CACNG3: variants seen among roughly 807,000 people sequenced by gnomAD.
CACNG3 encodes the protein calcium voltage-gated channel auxiliary subunit gamma 3.
CACNG3 carries 3 observed loss-of-function variants against 28.5 expected under a neutral mutation model. That is an observed-to-expected ratio of 0.11 (90% CI 0.05 to 0.27). The LOEUF is 0.27. CACNG3 is among the 10% of genes least tolerant of loss of function. CACNG3 has a pLI of 1.00. For missense variants in CACNG3, 236 were observed against 414.4 expected, an observed-to-expected ratio of 0.57 and a Z score of 3.74; for synonymous variants, 174 against 162.2, an observed-to-expected ratio of 1.07 and a Z score of -0.55.
At chr16:24,297,217 T>C (rs1285719563) in intron 1 of CACNG3, among the ~76,000 whole-genome samples, 1 of 149,956 alleles carries the variant, frequency 6.7e-6, no homozygotes, top group Non-Finnish European at 1.5e-5. Context: ...CACGGCACTC[T>C]AGCCTGAGCA....
chr16:24,357,760 C>T (rs575487412), intron 3 of CACNG3, among the ~76,000 whole-genome samples: 4 of 152,292 alleles, frequency 2.6e-5, no homozygotes, highest in East Asian at 1.9e-4. Context: ...CCAGATCTCC[C>T]GGGTGCTTGG....
Position 24,350,029 on chromosome 16 carries a change from T to C in CACNG3, c.295+3212T>C, listed in dbSNP as rs534526042. Among the ~76,000 whole-genome samples the C allele has an allele frequency of 2.9e-4, 44 of 151,308 alleles. No individual in the cohort carries two copies. In the South Asian group the frequency reaches 8.7e-3, roughly 30 times the overall value. On this transcript the variant is annotated intron_variant, in intron 2 of 3. Coordinates refer to ENST00000005284, the MANE Select transcript of CACNG3 (RefSeq NM_006539.4). ...CCCTTAAGACCTTAACTTAGCTCCA[T>C]ATAGTTTGGGGGGAGAAACAGGGAA...
rs1274887564 is a variant in CACNG3 at position 24,361,738 on chromosome 16, A to G, written c.823A>G (p.Thr275Ala). The change falls in exon 4 of 4, where the codon ACC (threonine) becomes GCC (alanine). Residue 275 changes from threonine to alanine, a missense_variant. Transcript: ENST00000005284. The surrounding 1 kb of genome is among the most constrained non-coding windows in gnomAD (Gnocchi z 6.8). ...CCTCTCCCGGGACCCCTCAAAGATC[A>G]CCATGGGGACCCTCCTCAACTCCGA... Reference protein sequence around the residue: ...FTLSRDPSKITMGTLLNSDRD... With the variant: ...FTLSRDPSKIAMGTLLNSDRD... The G allele has an allele frequency of 1.9e-6, 3 of 1,613,814 alleles. No homozygotes were observed. Among genetic ancestry groups the G allele is most frequent in the Non-Finnish European group, 2.5e-6 (3 of 1,179,968 alleles).
chr16:24,277,374 G>A (rs563727702), intron 1 of CACNG3, among the ~76,000 whole-genome samples: 1 of 152,304 alleles, frequency 6.6e-6, no homozygotes, highest in African/African-American at 2.4e-5. Context: ...TCTAGCAGGT[G>A]ATATCAGGGA....
chr16:24,292,531 C>T (rs1898979549), intron 1 of CACNG3, among the ~76,000 whole-genome samples: 1 of 152,122 alleles, frequency 6.6e-6, no homozygotes, highest in African/African-American at 2.4e-5. Flanking sequence ...ATCCCTGGAG[C>T]TCGAATTCCT....
intron 1 of CACNG3, among the ~76,000 whole-genome samples, chr16:24,291,221 C>T (rs566348395): frequency 1.3e-5 from 2 of 152,248 alleles, no homozygotes; most frequent in South Asian, 4.2e-4. Flanking sequence ...GTTGTTGTTG[C>T]TTGTTGTTGT....
chr16:24,331,637 T>G (rs954333263), intron 1 of CACNG3, among the ~76,000 whole-genome samples: 1 of 152,216 alleles, frequency 6.6e-6, no homozygotes, highest in Non-Finnish European at 1.5e-5. Context: ...GGACCATACA[T>G]GCTCCTTTTC....
chr16:24,343,858 G>GA (rs1420818486), intron 1 of CACNG3, among the ~76,000 whole-genome samples: 1 of 152,122 alleles, frequency 6.6e-6, no homozygotes, highest in Non-Finnish European at 1.5e-5. Flanking sequence ...GGGAGTCTGA[G>GA]ACGGGTAGAT....
chr16:24,346,625 C>T, intron 1 of CACNG3, 109 bp from the exon 2 acceptor site: 1 of 731,926 alleles, frequency 1.4e-6, no homozygotes, highest in Non-Finnish European at 2.4e-6. Context: ...AACAACCCTA[C>T]AGCCCCCAAC....
chr16:24,351,031 C>T (rs888587715), intron 2 of CACNG3, among the ~76,000 whole-genome samples: 1 of 152,184 alleles, frequency 6.6e-6, no homozygotes, highest in African/African-American at 2.4e-5. Flanking sequence ...CTAAAGGAAC[C>T]AGGGGCCAGC....
chr16:24,288,859 T>G (rs1478816937), intron 1 of CACNG3, among the ~76,000 whole-genome samples: 1 of 151,232 alleles, frequency 6.6e-6, no homozygotes, highest in Non-Finnish European at 1.5e-5. Flanking sequence ...TAGGAGAGAG[T>G]CTGTGACACA....
At chr16:24,351,591 G>GGGGAAA (rs1899939928) in intron 2 of CACNG3, among the ~76,000 whole-genome samples, 1 of 77,860 alleles carries the variant, frequency 1.3e-5, no homozygotes, top group Admixed American at 1.2e-4. Flanking sequence ...GGAAGAGGAA[G>GGGGAAA]GGGAAGGGGA....
chr16:24,287,993 C>T (rs991677660), intron 1 of CACNG3, among the ~76,000 whole-genome samples: 1 of 151,998 alleles, frequency 6.6e-6, no homozygotes, highest in Non-Finnish European at 1.5e-5. Context: ...AAGGTTGAGA[C>T]CTGAAAAGGG....
intron 1 of CACNG3, among the ~76,000 whole-genome samples, chr16:24,281,549 T>C (rs1490153754): frequency 6.6e-6 from 1 of 152,138 alleles, no homozygotes; most frequent in Non-Finnish European, 1.5e-5. Context: ...CATGAGTTTC[T>C]TTTCCAGAGG....
At chr16:24,265,765 C>T (rs1373975818) in intron 1 of CACNG3, among the ~76,000 whole-genome samples, 5 of 152,116 alleles carry the variant, frequency 3.3e-5, no homozygotes, top group Admixed American at 1.3e-4. Context: ...TAAATGTTGT[C>T]AATAAAAAAT....
intron 1 of CACNG3, among the ~76,000 whole-genome samples, chr16:24,314,769 TCCAA>T (rs1899325189): frequency 7.6e-6 from 1 of 131,366 alleles, no homozygotes; most frequent in Admixed American, 7.7e-5. Context: ...CTCCTCCTCC[TCCAA>T]CCTCCACCTA....
At chr16:24,284,048 G>T (rs1898863477) in intron 1 of CACNG3, among the ~76,000 whole-genome samples, 1 of 152,116 alleles carries the variant, frequency 6.6e-6, no homozygotes, top group Non-Finnish European at 1.5e-5. Flanking sequence ...TATTAATAGG[G>T]TAAGTTATGT....
chr16:24,315,822 C>G (rs1596639700), intron 1 of CACNG3, among the ~76,000 whole-genome samples: 1 of 152,096 alleles, frequency 6.6e-6, no homozygotes, highest in African/African-American at 2.4e-5. Context: ...CAATGCCCAG[C>G]TAATTTTTGT....
rs115356182 is a variant in CACNG3 at position 24,307,472 on chromosome 16, T to C, written c.212-39262T>C. Among the ~76,000 whole-genome samples, 1,212 of 152,292 alleles carry C rather than the reference T, an allele frequency of 8.0e-3. 18 individuals carry two copies. The highest frequency in any genetic ancestry group is 0.027 in the African/African-American group (1,114 of 41,564). ...TCCACAGGACTGGCTGAGTCCACTG[T>C]GACAACTGACAGCTGCATCACAGTC... On this transcript the variant is annotated intron_variant, in intron 1 of 3. Transcript: ENST00000005284.
Sources: gnomAD v4.1 joint callset for allele counts (sites outside exome capture counted in the v4.1 genomes callset) on GRCh38, gnomAD v4.1.1 for gene constraint, Gnocchi (gnomAD v3.1) non-coding constraint, MANE v1.5 for transcripts, NCBI Gene and HGNC (gene_info 2026-07-23, HGNC 2026-07-21) for gene names.